The following TBC1D16 variants were observed in gnomAD, a reference collection of about 807,000 sequenced individuals.
TBC1D16 encodes the protein TBC1 domain family member 16.
TBC1D16 carries 58 observed loss-of-function variants against 74.7 expected under a neutral mutation model. That is an observed-to-expected ratio of 0.78 (90% confidence interval 0.63 to 0.97). TBC1D16 has a LOEUF of 0.97. Ranked by LOEUF, TBC1D16 falls within the 50% of genes least tolerant of loss-of-function variation. The probability of loss-of-function intolerance (pLI) is 0.00; values close to 1 mark genes in which losing one functional copy is unlikely to be tolerated. For missense variants in TBC1D16, 1,014 were observed against 1,079.5 expected (o/e 0.94, Z 0.85); for synonymous variants, 493 against 474.7 (o/e 1.04, Z -0.50).
intron 1 of TBC1D16, among the ~76,000 whole-genome samples, chr17:80,021,043 G>A (rs1484465401): frequency 1.3e-5 from 2 of 149,790 alleles, no homozygotes; most frequent in Non-Finnish European, 2.9e-5. Context: ...ACCTGAGGTC[G>A]GGAGTTCGAC....
chr17:80,001,370 C>T lies in TBC1D16; in HGVS notation c.779+8790G>A, dbSNP rs2144595861. ...ACACACAGAACAGATTGCAGGGTGTCGGGCAATGGGATGTTTTAAAGAAAT... is the reference window on the plus strand; with the variant it reads ...ACACACAGAACAGATTGCAGGGTGTTGGGCAATGGGATGTTTTAAAGAAAT... On this transcript the variant is annotated intron_variant, in intron 3 of 11. Transcript: ENST00000310924. The surrounding 1 kb of genome is among the most constrained non-coding windows in gnomAD (Gnocchi z 5.8). 6.6e-6 allele frequency among the ~76,000 whole-genome samples: 1 copy of T among 152,308 alleles called. No homozygotes were observed. Among genetic ancestry groups the T allele is most frequent in the South Asian group, 2.1e-4 (1 of 4,828 alleles).
Position 80,035,127 on chromosome 17 carries a change from A to C in TBC1D16, c.-63+668T>G, listed in dbSNP as rs1021784097. ...ACCAGCTTCCGAGTGTGGGAATCAC[A>C]GGATTTCAGGATTCAGCGGCTTCCG... On this transcript the variant is annotated intron_variant, in intron 1 of 11. Transcript: ENST00000310924. This position sits in a 1 kb window ranked among gnomAD's most constrained non-coding sequence, Gnocchi z 5.3. Among the ~76,000 whole-genome samples, 34 of 152,252 alleles carry C rather than the reference A, an allele frequency of 2.2e-4. No individual in the cohort carries two copies. The highest frequency in any genetic ancestry group is 7.5e-4 in the African/African-American group (31 of 41,468).
In TBC1D16 at chr17:79,933,524, C is replaced by T. The variant is rs75533695; in HGVS notation, c.*7335G>A. 12,525 of 152,184 alleles carry T rather than the reference C, an allele frequency of 0.082. 693 individuals carry two copies. The highest frequency in any genetic ancestry group is 0.19 in the East Asian group (979 of 5,164). 9.4% of individuals were successfully genotyped at this position (152,184 alleles called of 1,614,324 possible). A position where few individuals can be genotyped will look rare whatever the true frequency, so the allele number is the denominator to read the frequency against. Reference sequence around the variant, plus strand: ...GGGCACGGGGAGGAAGGGAGACACCCGTAATAATAACAGAGACCGCACTGG... The same window carrying T: ...GGGCACGGGGAGGAAGGGAGACACCTGTAATAATAACAGAGACCGCACTGG... On this transcript the variant is annotated 3_prime_UTR_variant, in exon 12 of 12. Coordinates refer to ENST00000310924, the MANE Select transcript of TBC1D16 (RefSeq NM_019020.4).
At chr17:79,976,098 T>G (rs966393353) in intron 3 of TBC1D16, among the ~76,000 whole-genome samples, 9 of 152,152 alleles carry the variant, frequency 5.9e-5, no homozygotes, top group African/African-American at 2.2e-4. Context: ...TTACTAACCC[T>G]TGTCTAGGCA....
At chr17:80,020,162 C>T (rs973738042) in intron 1 of TBC1D16, among the ~76,000 whole-genome samples, 3 of 149,782 alleles carry the variant, frequency 2.0e-5, no homozygotes, top group African/African-American at 5.1e-5. Flanking sequence ...ACAATCCTGC[C>T]GACACCTTGA....
chr17:80,024,485 AGACACACACCACACG>A (rs2036441046), intron 1 of TBC1D16, among the ~76,000 whole-genome samples: 1 of 143,662 alleles, frequency 7.0e-6, no homozygotes. Flanking sequence ...CACACACCAT[AGACACACACCACACG>A]CACCATAGAC....
intron 9 of TBC1D16, among the ~76,000 whole-genome samples, chr17:79,946,410 G>A (rs754024837): frequency 2.3e-4 from 35 of 152,254 alleles, no homozygotes; most frequent in Admixed American, 6.5e-4. Flanking sequence ...TCGCTGGCCC[G>A]TCCACCGCTC....
chr17:79,942,264 C>T (rs2032085101), intron 10 of TBC1D16, 58 bp from the exon 11 acceptor site: 1 of 1,522,022 alleles, frequency 6.6e-7, no homozygotes, highest in Middle Eastern at 1.7e-4. Context: ...GCCCTGCACT[C>T]AGGGGGAAAC....
rs535953961 is a variant in TBC1D16, at chr17:79,985,136, C to G, written c.779+25024G>C. Among the ~76,000 whole-genome samples, 52 of 152,264 alleles carry G rather than the reference C, an allele frequency of 3.4e-4. No individual in the cohort carries two copies. The highest frequency in any genetic ancestry group is 1.2e-3 in the African/African-American group (48 of 41,542). On this transcript the variant is annotated intron_variant, in intron 3 of 11. Coordinates refer to ENST00000310924, the MANE Select transcript of TBC1D16 (RefSeq NM_019020.4). This position sits in a 1 kb window ranked among gnomAD's most constrained non-coding sequence, Gnocchi z 4.9. ...CAAGAGTCTTTCCTGCCTCTTCCAG[C>G]TGGAGGTGCTCGTCCTGGATCCTGG...
chr17:79,970,638 G>T (rs2034048100), intron 3 of TBC1D16, among the ~76,000 whole-genome samples: 2 of 152,140 alleles, frequency 1.3e-5, no homozygotes, highest in Admixed American at 1.3e-4. Context: ...GCAGCAAACG[G>T]TAAACGGGTC....
chr17:80,018,384 C>T (rs1228073466), intron 1 of TBC1D16, among the ~76,000 whole-genome samples: 1 of 149,194 alleles, frequency 6.7e-6, no homozygotes, highest in Non-Finnish European at 1.5e-5. Flanking sequence ...CAGGTTCACG[C>T]CATTCTCCTG....
intron 3 of TBC1D16, among the ~76,000 whole-genome samples, chr17:79,957,901 G>C (rs2033411734): frequency 6.7e-6 from 1 of 150,088 alleles, no homozygotes; most frequent in South Asian, 2.1e-4. Flanking sequence ...AAAGAAACTG[G>C]GACACATATA....
Position 79,937,466 on chromosome 17 carries a change from C to T in TBC1D16, c.*3393G>A, listed in dbSNP as rs2031690648. 6.6e-6 allele frequency: 1 copy of T among 152,284 alleles called. No homozygotes were observed. The highest frequency in any genetic ancestry group is 1.5e-5 in the Non-Finnish European group (1 of 68,104). The allele number at this position is 152,284 out of a possible 1,614,324, so 9.4% of individuals were successfully genotyped here. ...AACTGAAAGGTCAGAGGGTGGAGGTCCTCTCCCTCCTGGACATGGAAACCT... is the reference window on the plus strand; with the variant it reads ...AACTGAAAGGTCAGAGGGTGGAGGTTCTCTCCCTCCTGGACATGGAAACCT... On this transcript the variant is annotated 3_prime_UTR_variant, in exon 12 of 12. Coordinates refer to ENST00000310924, the MANE Select transcript of TBC1D16 (RefSeq NM_019020.4).
At chr17:80,030,178 G>C (rs1046033423) in intron 1 of TBC1D16, among the ~76,000 whole-genome samples, 3 of 152,118 alleles carry the variant, frequency 2.0e-5, no homozygotes, top group African/African-American at 7.2e-5. Context: ...TTAGGACATG[G>C]GCATCTTTGG....
In TBC1D16 at chr17:80,031,202, C is replaced by T. The variant is rs112800500; in HGVS notation, c.-63+4593G>A. On this transcript the variant is annotated intron_variant, in intron 1 of 11. Coordinates refer to ENST00000310924, the MANE Select transcript of TBC1D16 (RefSeq NM_019020.4). ...GCAGGCTTGGGGAAGGTAGCTCCTTCAGTCTCATCAGGAGGATAATCCCCT... is the reference window on the plus strand; with the variant it reads ...GCAGGCTTGGGGAAGGTAGCTCCTTTAGTCTCATCAGGAGGATAATCCCCT... Among the ~76,000 whole-genome samples the T allele has an allele frequency of 3.2e-4, 49 of 152,344 alleles. 1 individual carries two copies. The highest frequency in any genetic ancestry group is 1.2e-3 in the African/African-American group (49 of 41,590).
chr17:80,020,735 T>C (rs1568644361), intron 1 of TBC1D16, among the ~76,000 whole-genome samples: 1 of 150,236 alleles, frequency 6.7e-6, no homozygotes, highest in Non-Finnish European at 1.5e-5. Context: ...ATCTGTATCC[T>C]CATTATTTCC....
At chr17:80,015,969 C>A (rs542893661) in intron 1 of TBC1D16, among the ~76,000 whole-genome samples, 2 of 147,718 alleles carry the variant, frequency 1.4e-5, no homozygotes, top group South Asian at 4.3e-4. Context: ...CGAGATCACG[C>A]CACTGCACTC....
At chr17:79,955,716 T>C (rs2033303130) in intron 3 of TBC1D16, among the ~76,000 whole-genome samples, 1 of 152,196 alleles carries the variant, frequency 6.6e-6, no homozygotes, top group South Asian at 2.1e-4. Context: ...TTAAGAAATG[T>C]AGCAGTTCTT....
chr17:80,023,671 G>A (rs1383441392), intron 1 of TBC1D16, among the ~76,000 whole-genome samples: 1 of 135,810 alleles, frequency 7.4e-6, no homozygotes, highest in Non-Finnish European at 1.6e-5. Context: ...CCCCCCACCG[G>A]CTCAGGGCGT....
Sources: gnomAD v4.1 joint callset for allele counts (sites outside exome capture counted in the v4.1 genomes callset) on GRCh38, gnomAD v4.1.1 for gene constraint, Gnocchi (gnomAD v3.1) non-coding constraint, MANE v1.5 for transcripts, NCBI Gene and HGNC (gene_info 2026-07-23, HGNC 2026-07-21) for gene names.